PRKN: variants seen among roughly 807,000 people sequenced by gnomAD.
The protein encoded by PRKN is E3 ubiquitin-protein ligase parkin.
Under a neutral mutation model 59.5 loss-of-function variants are expected in PRKN, and 56 were observed. The observed-to-expected ratio is 0.94, with a 90% CI of 0.76 to 1.18. The LOEUF is 1.18. Ranked by LOEUF, PRKN falls within the 50% of genes most tolerant of loss-of-function variation. The pLI, the probability that PRKN is intolerant of heterozygous loss-of-function variation, is 0.00. For synonymous variants in PRKN, 250 were observed against 222.1 expected (o/e 1.13, Z -1.12); for missense variants, 657 against 596.4 (o/e 1.10, Z -1.06).
At chr6:161,714,493 C>T (rs146723690) in intron 7 of PRKN, among the ~76,000 whole-genome samples, 2 of 152,318 alleles carry the variant, frequency 1.3e-5, no homozygotes, top group African/African-American at 2.4e-5. Flanking sequence ...GACACCAGTG[C>T]TGAAGTCTTT....
rs576146691 is a variant in PRKN, at chr6:161,390,877, T to C, written c.1084-4000A>G. 1.3e-5 allele frequency among the ~76,000 whole-genome samples: 2 copies of C among 152,208 alleles called. No homozygotes were observed. Among genetic ancestry groups the C allele is most frequent in the Non-Finnish European group, 2.9e-5 (2 of 68,052 alleles). The stretch of plus-strand genomic sequence containing the variant: ...ATTTCAGATAACTATTAAGTCGTTA[T>C]GACATTAATTCTTACTATGCTACGT... On this transcript the variant is annotated intron_variant, in intron 9 of 11. Transcript: ENST00000366898. This position sits in a 1 kb window ranked among gnomAD's most constrained non-coding sequence, Gnocchi z 7.0.
At chr6:161,895,238 C>A (rs1169088545) in intron 6 of PRKN, among the ~76,000 whole-genome samples, 5 of 152,206 alleles carry the variant, frequency 3.3e-5, no homozygotes, top group African/African-American at 1.2e-4. Flanking sequence ...TTTGCTCCAG[C>A]TTCACTGAGC....
chr6:161,505,591 G>T (rs1272899205), intron 9 of PRKN, among the ~76,000 whole-genome samples: 5 of 152,054 alleles, frequency 3.3e-5, no homozygotes, highest in Non-Finnish European at 7.3e-5. Flanking sequence ...TAGACATGAA[G>T]TCCTTGCCCG....
chr6:162,539,001 G>A lies in PRKN; in HGVS notation c.8-95528C>T, dbSNP rs75117907. Among the ~76,000 whole-genome samples, 1,478 of 152,252 alleles carry A rather than the reference G, an allele frequency of 9.7e-3. 23 individuals are homozygous for A. Among genetic ancestry groups the A allele is most frequent in the African/African-American group, 0.034 (1,392 of 41,550 alleles). On this transcript the variant is annotated intron_variant, in intron 1 of 11. Coordinates refer to ENST00000366898, the MANE Select transcript of PRKN (RefSeq NM_004562.3). Reference sequence around the variant, plus strand: ...TTACCGTGGGGGCCCACAATGTGGCGGCCTGCCAGGTCAATTACAGCAGGG... The same window carrying A: ...TTACCGTGGGGGCCCACAATGTGGCAGCCTGCCAGGTCAATTACAGCAGGG...
chr6:161,769,735 G>A (rs1789584108), intron 7 of PRKN, among the ~76,000 whole-genome samples: 2 of 152,140 alleles, frequency 1.3e-5, no homozygotes, highest in Admixed American at 1.3e-4. Flanking sequence ...GCTGGATCTT[G>A]GATGTGGGGA....
chr6:162,043,512 T>TG (rs1784142885), intron 5 of PRKN, among the ~76,000 whole-genome samples: 1 of 152,052 alleles, frequency 6.6e-6, no homozygotes, highest in South Asian at 2.1e-4. Flanking sequence ...AATGGACAAA[T>TG]GGAGATGAAC....
Position 161,372,746 on chromosome 6 carries a change from G to A in PRKN, c.1168-12541C>T, listed in dbSNP as rs1412949427. On this transcript the variant is annotated intron_variant, in intron 10 of 11. Transcript: ENST00000366898. This position sits in a 1 kb window ranked among gnomAD's most constrained non-coding sequence, Gnocchi z 4.2. ...CAAATTCCTAGGTGATGCCGATGTC[G>A]CTAGCCTGCAGAGCTTCGGAGAACT... is the stretch of plus-strand genomic sequence containing the variant. Among the ~76,000 whole-genome samples, 2 of 151,958 alleles carry A rather than the reference G, an allele frequency of 1.3e-5. No individual in the cohort carries two copies. The highest frequency in any genetic ancestry group is 2.9e-5 in the Non-Finnish European group (2 of 68,026).
intron 1 of PRKN, among the ~76,000 whole-genome samples, chr6:162,570,890 A>C (rs1271997453): frequency 6.6e-6 from 1 of 152,240 alleles, no homozygotes; most frequent in African/African-American, 2.4e-5. Context: ...GGGTGACCAC[A>C]GTCAATAATA....
In PRKN at chr6:161,509,896, AAAAAAAAG is replaced by A. The variant is rs1353512232; in HGVS notation, c.1083+38950_1083+38957del. ...CTCCATCTCAAAAAAAAAAAAAAAA[AAAAAAAAG>A]TTAAGCCACAAATCGATATTTTAAA... On this transcript the variant is annotated intron_variant, in intron 9 of 11. Transcript: ENST00000366898. Among the ~76,000 whole-genome samples the A allele has an allele frequency of 7.1e-3, 1,068 of 149,832 alleles. 12 individuals carry two copies. The highest frequency in any genetic ancestry group is 0.038 in the Middle Eastern group (11 of 290).
intron 1 of PRKN, among the ~76,000 whole-genome samples, chr6:162,700,379 T>C (rs1217487042): frequency 2.6e-5 from 4 of 152,338 alleles, no homozygotes; most frequent in Non-Finnish European, 5.9e-5. Context: ...GCTCAATTTG[T>C]GTGAACAGCA....
At chr6:161,731,337 C>T (rs1047691640) in intron 7 of PRKN, among the ~76,000 whole-genome samples, 1 of 152,246 alleles carries the variant, frequency 6.6e-6, no homozygotes, top group Admixed American at 6.5e-5. Flanking sequence ...CTAGGCCCAT[C>T]TCATGGTTGA....
At chr6:162,369,682 A>C (rs940034898) in intron 2 of PRKN, among the ~76,000 whole-genome samples, 3 of 152,200 alleles carry the variant, frequency 2.0e-5, no homozygotes, top group Admixed American at 2.0e-4. Context: ...CATCCTCCCC[A>C]GGGCAGAGAT....
intron 4 of PRKN, among the ~76,000 whole-genome samples, chr6:162,090,956 TAC>T (rs150565783): frequency 0.037 from 5,623 of 152,320 alleles, 154 homozygotes; most frequent in Non-Finnish European, 0.058. Flanking sequence ...TCCAGCTATT[TAC>T]ACTTGCCAGT....
rs1789884963 is a variant in PRKN at position 161,454,650 on chromosome 6, A to C, written c.1084-67773T>G. Among the ~76,000 whole-genome samples the C allele has an allele frequency of 6.6e-6, 1 of 152,180 alleles. No homozygotes were observed. The highest frequency in any genetic ancestry group is 1.5e-5 in the Non-Finnish European group (1 of 68,034). On this transcript the variant is annotated intron_variant, in intron 9 of 11. Coordinates refer to ENST00000366898, the MANE Select transcript of PRKN (RefSeq NM_004562.3). The surrounding 1 kb of genome is among the most constrained non-coding windows in gnomAD (Gnocchi z 4.6). ...GCGCCAGCATTGTAGTTATACTGAAATTTAGAATATGTGGGTTGAAAAGCA... is the reference window on the plus strand; with the variant it reads ...GCGCCAGCATTGTAGTTATACTGAACTTTAGAATATGTGGGTTGAAAAGCA...
rs1291083898 is a variant in PRKN at position 161,943,941 on chromosome 6, C to G, written c.734+29361G>C. 9.8e-3 allele frequency among the ~76,000 whole-genome samples: 492 copies of G among 50,248 alleles called. 13 individuals carry two copies. The highest frequency in any genetic ancestry group is 0.04 in the African/African-American group (468 of 11,830). The allele number at this position is 50,248 out of a possible 152,430, so 33.0% of individuals were successfully genotyped here. ...GCCTTGAGGAAGCAGCCTGAGGAAG[C>G]AGCCTGAGGGATCAGCCTTGAGGAA... is the stretch of plus-strand genomic sequence containing the variant. On this transcript the variant is annotated intron_variant, in intron 6 of 11. Coordinates refer to ENST00000366898, the MANE Select transcript of PRKN (RefSeq NM_004562.3).
intron 6 of PRKN, among the ~76,000 whole-genome samples, chr6:161,867,752 T>C (rs1010368381): frequency 2.8e-5 from 4 of 143,698 alleles, no homozygotes; most frequent in African/African-American, 8.5e-5. Context: ...TTTATTTATT[T>C]ATTTATTTAT....
chr6:161,707,408 G>A (rs1786548975), intron 7 of PRKN, among the ~76,000 whole-genome samples: 1 of 152,138 alleles, frequency 6.6e-6, no homozygotes, highest in African/African-American at 2.4e-5. Flanking sequence ...GTGGTCCCTT[G>A]GGAGTTAATG....
chr6:162,649,590 C>A (rs1369752898), intron 1 of PRKN, among the ~76,000 whole-genome samples: 1 of 151,910 alleles, frequency 6.6e-6, no homozygotes, highest in Non-Finnish European at 1.5e-5. Context: ...GGTTCCAATT[C>A]TCGGTTACAC....
chr6:162,261,718 G>T (rs1385647535), intron 3 of PRKN, among the ~76,000 whole-genome samples: 1 of 151,816 alleles, frequency 6.6e-6, no homozygotes, highest in Non-Finnish European at 1.5e-5. Context: ...TTACTTTCTG[G>T]GCTTATCTAC....
Sources: allele counts gnomAD v4.1 joint callset (sites outside exome capture counted in the v4.1 genomes callset), GRCh38; gene constraint gnomAD v4.1.1; non-coding constraint Gnocchi (gnomAD v3.1); transcripts MANE v1.5; gene names NCBI Gene and HGNC (gene_info 2026-07-23, HGNC 2026-07-21).